The following TRAPPC8 variants were observed in gnomAD, a reference collection of about 807,000 sequenced individuals.
TRAPPC8 encodes the protein general sporulation gene 1 homolog.
A neutral mutation model predicts 174.3 loss-of-function variants in TRAPPC8; 54 were observed. The ratio of observed to expected loss-of-function variants is 0.31; its 90% CI spans 0.25 to 0.39. The LOEUF is 0.39. Ranked by LOEUF, TRAPPC8 falls within the 10% of genes least tolerant of loss-of-function variation. TRAPPC8 has a pLI of 1.00. For synonymous variants in TRAPPC8, 630 were observed against 579.9 expected (o/e 1.09, Z -1.24); for missense variants, 1,531 against 1,699.1 (o/e 0.90, Z 1.74).
intron 20 of TRAPPC8, 27 bp downstream of exon 20, chr18:31,857,513 A>C: frequency 6.6e-7 from 1 of 1,519,120 alleles, no homozygotes; most frequent in Non-Finnish European, 8.8e-7. Context: ...CATAGATGTT[A>C]AATTTTATAA....
chr18:31,869,860 G>A (rs1203819416), intron 16 of TRAPPC8, among the ~76,000 whole-genome samples: 2 of 151,978 alleles, frequency 1.3e-5, no homozygotes, highest in South Asian at 2.1e-4. Flanking sequence ...AGGCTGAGGC[G>A]GGAGGATCAC....
intron 1 of TRAPPC8, among the ~76,000 whole-genome samples, chr18:31,935,011 CAT>C (rs1231010907): frequency 6.7e-6 from 1 of 149,002 alleles, no homozygotes; most frequent in Non-Finnish European, 1.5e-5. Flanking sequence ...AAAATAATGA[CAT>C]CTTTTATGCT....
chr18:31,933,720 G>A (rs1173855762), intron 1 of TRAPPC8, among the ~76,000 whole-genome samples: 1 of 151,726 alleles, frequency 6.6e-6, no homozygotes, highest in Non-Finnish European at 1.5e-5. Context: ...CAAAATCAAG[G>A]CCTGCGTATA....
Position 31,909,498 on chromosome 18 carries a change from A to G in TRAPPC8, c.865+169T>C, listed in dbSNP as rs982772438. ...TATAAAACAAATTTTTAAGTGTCAA[A>G]AACAAACTCAAGTAGCTCAGTAAAA... On this transcript the variant is annotated intron_variant, in intron 6 of 28. Transcript: ENST00000283351. The G allele has an allele frequency of 3.1e-6, 3 of 967,222 alleles. No individual in the cohort carries two copies. The African/African-American group carries it at 5.3e-5, about 17-fold the overall frequency. 59.9% of individuals were successfully genotyped at this position (967,222 alleles called of 1,614,324 possible). A position where few individuals can be genotyped will look rare whatever the true frequency, so the allele number is the denominator to read the frequency against.
chr18:31,838,957 A>G (rs1251599717), intron 27 of TRAPPC8, among the ~76,000 whole-genome samples: 2 of 151,990 alleles, frequency 1.3e-5, no homozygotes, highest in Non-Finnish European at 2.9e-5. Context: ...TCATACCTTC[A>G]ATTATTACTT....
chr18:31,936,902 T>TTA (rs1327401108), intron 1 of TRAPPC8, among the ~76,000 whole-genome samples: 5 of 92,518 alleles, frequency 5.4e-5, no homozygotes, highest in Non-Finnish European at 1.0e-4. Flanking sequence ...ACTCCGTCTT[T>TTA]AAAAAAAAAA....
At position 31,830,876 on chromosome 18, in the gene TRAPPC8, T is replaced by C. The variant is rs1465013450; in HGVS notation, c.4187A>G (p.His1396Arg). ...HSLQLKACFV[H>R]TGVYNLGTPR... Reference sequence around the variant, plus strand: ...AGTTCCAAGGTTATAAACACCTGTATGAACAAAGCATGCTTTCAGCTGCAG... The same window carrying C: ...AGTTCCAAGGTTATAAACACCTGTACGAACAAAGCATGCTTTCAGCTGCAG... The change falls in exon 29 of 29, where the codon CAT becomes CGT. Residue 1396 changes from histidine to arginine, a missense_variant. Transcript: ENST00000283351. 2 of 1,614,116 alleles carry C rather than the reference T, an allele frequency of 1.2e-6. No homozygotes were observed. Among genetic ancestry groups the C allele is most frequent in the African/African-American group, 2.7e-5 (2 of 74,940 alleles).
chr18:31,849,034 TTTGG>T (rs2033561775), intron 25 of TRAPPC8, among the ~76,000 whole-genome samples: 2 of 152,242 alleles, frequency 1.3e-5, no homozygotes, highest in African/African-American at 2.4e-5. Context: ...GAATTATTAA[TTTGG>T]TTGGGAAAGA....
At chr18:31,908,708 A>G (rs1430520199) in intron 7 of TRAPPC8, 46 bp downstream of exon 7, 1 of 1,454,988 alleles carries the variant, frequency 6.9e-7, no homozygotes, top group African/African-American at 1.4e-5. Flanking sequence ...TAAATTTACT[A>G]TTTACTTAAA....
intron 26 of TRAPPC8, among the ~76,000 whole-genome samples, chr18:31,844,129 T>G (rs183050484): frequency 3.5e-4 from 53 of 152,342 alleles, no homozygotes; most frequent in African/African-American, 1.3e-3. Flanking sequence ...CCCTGGCTCC[T>G]TTTATTGGAG....
chr18:31,931,591 T>A, intron 1 of TRAPPC8, 68 bp from the exon 2 acceptor site: 2 of 1,249,658 alleles, frequency 1.6e-6, no homozygotes, highest in Middle Eastern at 5.2e-4. Context: ...AAAATTGGGC[T>A]GATGGTTTAC....
chr18:31,915,717 T>G (rs547814140), intron 4 of TRAPPC8, among the ~76,000 whole-genome samples: 4 of 138,962 alleles, frequency 2.9e-5, no homozygotes, highest in African/African-American at 1.0e-4. Context: ...ACCCCGTCTC[T>G]ACTAAAAAAA....
chr18:31,934,914 T>C (rs1013662704), intron 1 of TRAPPC8, among the ~76,000 whole-genome samples: 3 of 149,394 alleles, frequency 2.0e-5, no homozygotes, highest in African/African-American at 7.4e-5. Context: ...ACTACTGCAC[T>C]CCAGCCTGCT....
In TRAPPC8 at chr18:31,864,709, GTGT is replaced by G. The variant is rs1598628065; in HGVS notation, c.2660_2662del (p.Asn887del). 2.5e-6 allele frequency: 4 copies of G among 1,612,926 alleles called. No homozygotes were observed. Among genetic ancestry groups the G allele is most frequent in the Non-Finnish European group, 3.4e-6 (4 of 1,179,422 alleles). ...TTTAACAGATGTTTTCTCTTCTTTTGTGTTGTTAAGTCGAGGACCTTGAATTTC... is the reference window on the plus strand; with the variant it reads ...TTTAACAGATGTTTTCTCTTCTTTTGTGTTAAGTCGAGGACCTTGAATTTC... On this transcript the variant is annotated inframe_deletion, in exon 19 of 29. Transcript: ENST00000283351.
rs537181348 is a variant in TRAPPC8, at chr18:31,909,148, A to G, written c.866-138T>C. 8 of 769,504 alleles carry G rather than the reference A, an allele frequency of 1.0e-5. No homozygotes were observed. The Admixed American group carries it at 1.9e-4, about 18-fold the overall frequency. The allele number at this position is 769,504 out of a possible 1,614,324, so 47.7% of individuals were successfully genotyped here. On this transcript the variant is annotated intron_variant, in intron 6 of 28. Transcript: ENST00000283351. ...TCAGTATAGGTAAATGTCTAAGATA[A>G]AACAGCAGTAACATCCCCCAGCCCC...
In TRAPPC8 at chr18:31,942,935, G is replaced by A. The variant is rs1013285352; in HGVS notation, c.-171C>T. The A allele has an allele frequency of 8.2e-7, 1 of 1,222,638 alleles. No homozygotes were observed. 75.7% of individuals were successfully genotyped at this position (1,222,638 alleles called of 1,614,324 possible). ...ACAGACGCCGCCGCTTCGGTTTCTG[G>A]GGCACAATCCACTGACCCCCCCCTT... On this transcript the variant is annotated 5_prime_UTR_variant, in exon 1 of 29. Transcript: ENST00000283351.
chr18:31,842,586 T>C (rs1455605472), intron 26 of TRAPPC8, among the ~76,000 whole-genome samples: 1 of 152,242 alleles, frequency 6.6e-6, no homozygotes, highest in Non-Finnish European at 1.5e-5. Context: ...TTTTATTCTA[T>C]AATTTTATAA....
At chr18:31,935,548 T>TGAAAAAAAAAAAAAAAAAAA (rs745488703) in intron 1 of TRAPPC8, among the ~76,000 whole-genome samples, 535 of 46,192 alleles carry the variant, frequency 0.012, 182 homozygotes, top group Non-Finnish European at 0.012. Context: ...AACTCCATCT[T>TGAAAAAAAAAAAAAAAAAAA]AAAAAAAAAA....
At chr18:31,831,588 A>G (rs966251765) in intron 28 of TRAPPC8, among the ~76,000 whole-genome samples, 2 of 152,182 alleles carry the variant, frequency 1.3e-5, no homozygotes, top group Non-Finnish European at 2.9e-5. Context: ...TTAGCCATAT[A>G]TAAGTGTCTG....
Sources: gnomAD v4.1 joint callset for allele counts (sites outside exome capture counted in the v4.1 genomes callset) on GRCh38, gnomAD v4.1.1 for gene constraint, MANE v1.5 for transcripts, NCBI Gene and HGNC (gene_info 2026-07-23, HGNC 2026-07-21) for gene names.